The following CSMD1 variants were observed in gnomAD, a reference collection of about 807,000 sequenced individuals.
CSMD1 encodes the protein CUB and sushi domain-containing protein 1.
CSMD1 carries 213 observed loss-of-function variants against 417.5 expected under a neutral mutation model. The ratio of observed to expected loss-of-function variants is 0.51; its 90% CI spans 0.46 to 0.57. The LOEUF is 0.57. Among genes scored for constraint, CSMD1 ranks in the 20% least tolerant of loss-of-function variants. The pLI is 0.00. For missense variants in CSMD1, 6,923 were observed against 4,529.7 expected, an observed-to-expected ratio of 1.53 and a Z score of -15.17; for synonymous variants, 2,862 against 1,736.8, an observed-to-expected ratio of 1.65 and a Z score of -16.11.
At chr8:4,481,329 A>G (rs1017800824) in intron 2 of CSMD1, among the ~76,000 whole-genome samples, 2 of 152,238 alleles carry the variant, frequency 1.3e-5, no homozygotes, top group African/African-American at 2.4e-5. Flanking sequence ...ATAATGCATT[A>G]AAGTCTATAG....
chr8:3,880,152 C>A (rs568441659), intron 5 of CSMD1, among the ~76,000 whole-genome samples: 8 of 152,170 alleles, frequency 5.3e-5, no homozygotes, highest in African/African-American at 1.9e-4. Flanking sequence ...TACCTTCGAC[C>A]ATGGTACAGA....
chr8:3,645,440 G>A (rs767926199), intron 7 of CSMD1, among the ~76,000 whole-genome samples: 1 of 152,202 alleles, frequency 6.6e-6, no homozygotes, highest in Non-Finnish European at 1.5e-5. Flanking sequence ...GAAGGGGAAA[G>A]ACAGCAAACC....
chr8:4,878,780 G>C (rs1011374506), intron 1 of CSMD1, among the ~76,000 whole-genome samples: 2 of 151,866 alleles, frequency 1.3e-5, no homozygotes, highest in African/African-American at 4.9e-5. Context: ...TAAGATTATA[G>C]TTTGAGTTTA....
intron 62 of CSMD1, among the ~76,000 whole-genome samples, chr8:2,960,318 G>A (rs1585054049): frequency 6.6e-6 from 1 of 152,192 alleles, no homozygotes; most frequent in Non-Finnish European, 1.5e-5. Context: ...GAGCTACAAG[G>A]AAATGGCCAC....
chr8:4,878,078 A>G (rs1008975923), intron 1 of CSMD1, among the ~76,000 whole-genome samples: 4 of 152,066 alleles, frequency 2.6e-5, no homozygotes, highest in Admixed American at 6.5e-5. Flanking sequence ...AAATGATGCC[A>G]TTGTCTGAGT....
intron 2 of CSMD1, among the ~76,000 whole-genome samples, chr8:4,593,999 C>A (rs531139500): frequency 6.6e-5 from 10 of 152,114 alleles, no homozygotes; most frequent in African/African-American, 2.2e-4. Flanking sequence ...TCTCTCCACA[C>A]CTTCTGGAGG....
chr8:3,312,116 G>C (rs1280238664), intron 23 of CSMD1, among the ~76,000 whole-genome samples: 3 of 151,992 alleles, frequency 2.0e-5, no homozygotes, highest in Non-Finnish European at 4.4e-5. Context: ...AACAAGCAAA[G>C]AAAAAAGATG....
At chr8:4,407,674 T>C (rs1039347642) in intron 3 of CSMD1, among the ~76,000 whole-genome samples, 5 of 152,226 alleles carry the variant, frequency 3.3e-5, no homozygotes, top group African/African-American at 1.2e-4. Context: ...GTGAACTTCA[T>C]ACAAATTTAA....
At chr8:4,897,579 T>C (rs981811424) in intron 1 of CSMD1, among the ~76,000 whole-genome samples, 4 of 152,130 alleles carry the variant, frequency 2.6e-5, no homozygotes, top group Admixed American at 2.6e-4. Context: ...TACTCCGTTT[T>C]ATAAATTCTT....
intron 5 of CSMD1, among the ~76,000 whole-genome samples, chr8:3,815,108 A>T (rs943785172): frequency 6.6e-6 from 1 of 152,210 alleles, no homozygotes; most frequent in African/African-American, 2.4e-5. Context: ...TTTTCAGAAA[A>T]TAATTAGACA....
Position 4,031,977 on chromosome 8 carries a change from G to A in CSMD1, c.538C>T (p.His180Tyr), listed in dbSNP as rs749221297. ...CTGACGATGCAGGTCAGGATGGCGT[G>A]GCCTTCCAAGATGTAGCCAGGGAGG... The part of the protein sequence containing the change: ...SCLPGYILEG[H>Y]AILTCIVSPG... The change falls in exon 4 of 70, where the codon CAC (histidine) becomes TAC (tyrosine). Residue 180 changes from histidine to tyrosine, a missense_variant. Coordinates refer to ENST00000635120, the MANE Select transcript of CSMD1 (RefSeq NM_033225.6). 9 of 1,613,764 alleles carry A rather than the reference G, an allele frequency of 5.6e-6. No homozygotes were observed. The highest frequency in any genetic ancestry group is 6.8e-6 in the Non-Finnish European group (8 of 1,179,858).
At chr8:4,003,047 G>A (rs1447976271) in intron 4 of CSMD1, among the ~76,000 whole-genome samples, 4 of 152,172 alleles carry the variant, frequency 2.6e-5, no homozygotes, top group East Asian at 1.9e-4. Flanking sequence ...AAAAATATTT[G>A]CAACAACACA....
chr8:4,220,240 C>T (rs1304343972), intron 3 of CSMD1, among the ~76,000 whole-genome samples: 1 of 152,224 alleles, frequency 6.6e-6, no homozygotes, highest in South Asian at 2.1e-4. Context: ...CGTGAGCCAC[C>T]ATGCCCAGTC....
At chr8:4,112,029 A>T (rs374184852) in intron 3 of CSMD1, among the ~76,000 whole-genome samples, 40 of 151,604 alleles carry the variant, frequency 2.6e-4, no homozygotes, top group African/African-American at 9.2e-4. Context: ...TGAAATGTAT[A>T]AAAATCTACT....
At chr8:3,189,718 A>G (rs1585604013) in intron 34 of CSMD1, among the ~76,000 whole-genome samples, 194 bp downstream of exon 34, 1 of 152,120 alleles carries the variant, frequency 6.6e-6, no homozygotes, top group Admixed American at 6.6e-5. Context: ...CCTTGTTAAG[A>G]TGATGAGTTG....
intron 2 of CSMD1, among the ~76,000 whole-genome samples, chr8:4,534,246 C>CCCCAAGGATGCTGAAGGACG (rs1796983139): frequency 6.6e-6 from 1 of 152,138 alleles, no homozygotes; most frequent in Non-Finnish European, 1.5e-5. Flanking sequence ...GTGGGCCTGG[C>CCCCAAGGATGCTGAAGGACG]CCCAAGGATG....
intron 1 of CSMD1, among the ~76,000 whole-genome samples, chr8:4,848,769 G>A (rs1563579374): frequency 1.3e-5 from 2 of 152,156 alleles, no homozygotes; most frequent in Non-Finnish European, 2.9e-5. Context: ...GTCTCAGACT[G>A]CTGACCTCAG....
At chr8:3,384,658 T>TA (rs1810858934) in intron 18 of CSMD1, among the ~76,000 whole-genome samples, 1 of 137,080 alleles carries the variant, frequency 7.3e-6, no homozygotes, top group African/African-American at 2.7e-5. Context: ...ACATATAAAT[T>TA]AATATAGATG....
At chr8:4,830,018 G>A (rs931189114) in intron 1 of CSMD1, among the ~76,000 whole-genome samples, 2 of 152,152 alleles carry the variant, frequency 1.3e-5, no homozygotes, top group Non-Finnish European at 2.9e-5. Context: ...TGAACTGCCT[G>A]TCCTTCTCTA....
Sources: allele counts gnomAD v4.1 joint callset (sites outside exome capture counted in the v4.1 genomes callset), GRCh38; gene constraint gnomAD v4.1.1; transcripts MANE v1.5; gene names NCBI Gene and HGNC (gene_info 2026-07-23, HGNC 2026-07-21).